The following KCNIP1 variants were observed in gnomAD, a reference collection of about 807,000 sequenced individuals.
KCNIP1 encodes potassium voltage-gated channel interacting protein 1.
KCNIP1 carries 18 observed loss-of-function variants against 33.0 expected under a neutral mutation model. The observed-to-expected ratio is 0.55, with a 90% CI of 0.38 to 0.81. The LOEUF is 0.81. Among genes scored for constraint, KCNIP1 ranks in the 30% least tolerant of loss-of-function variants. KCNIP1 has a pLI of 0.00. For missense variants in KCNIP1, 238 were observed against 271.6 expected (o/e 0.88, Z 0.87); for synonymous variants, 93 against 98.3 (o/e 0.95, Z 0.32).
Position 170,384,482 on chromosome 5 carries a change from G to A in KCNIP1, c.88+30518G>A, listed in dbSNP as rs146352516. Among the ~76,000 whole-genome samples the A allele has an allele frequency of 1.4e-4, 21 of 152,332 alleles. No homozygotes were observed. The East Asian group carries it at 3.7e-3, about 27-fold the overall frequency. On this transcript the variant is annotated intron_variant, in intron 1 of 7. Coordinates refer to the KCNIP1 transcript ENST00000377360. Reference sequence around the variant, plus strand: ...CAGATTAAGAGTCCAGCCTGGAATCGCTTCAGCGTTGTGAAGAGTGAGGCT... The same window carrying A: ...CAGATTAAGAGTCCAGCCTGGAATCACTTCAGCGTTGTGAAGAGTGAGGCT...
rs1260106149 is a variant in KCNIP1, at chr5:170,390,511, A to AT, written c.88+36547_88+36548insT. 1.4e-4 allele frequency among the ~76,000 whole-genome samples: 9 copies of AT among 62,350 alleles called. 1 individual carries two copies. Among genetic ancestry groups the AT allele is most frequent in the African/African-American group, 5.6e-4 (7 of 12,508 alleles). 40.9% of individuals were successfully genotyped at this position (62,350 alleles called of 152,430 possible). A position where few individuals can be genotyped will look rare whatever the true frequency, so the allele number is the denominator to read the frequency against. ...GAGCGAGACCCCGTCTCAAAAAAAA[A>AT]AAACAAATATATATATATATATATA... On this transcript the variant is annotated intron_variant, in intron 1 of 7. Transcript: ENST00000377360.
chr5:170,528,605 T>C (rs1001814585), intron 1 of KCNIP1, among the ~76,000 whole-genome samples: 12 of 152,148 alleles, frequency 7.9e-5, no homozygotes, highest in African/African-American at 2.7e-4. Context: ...GTGCCAGGCA[T>C]ATATGGAGAG....
At chr5:170,619,185 A>G (rs1208206058) in intron 1 of KCNIP1, among the ~76,000 whole-genome samples, 1 of 152,188 alleles carries the variant, frequency 6.6e-6, no homozygotes, top group Non-Finnish European at 1.5e-5. Context: ...CTTTTCCCTC[A>G]TCCTTCAGAA....
chr5:170,554,684 G>A (rs551714124), intron 1 of KCNIP1, among the ~76,000 whole-genome samples: 32 of 152,310 alleles, frequency 2.1e-4, no homozygotes, highest in African/African-American at 7.7e-4. Flanking sequence ...GTCTTTGCAG[G>A]CATGCTTCCC....
In KCNIP1 at chr5:170,489,138, T is replaced by C. The variant is rs116391711; in HGVS notation, c.88+135174T>C. Among the ~76,000 whole-genome samples, 328 of 152,208 alleles carry C rather than the reference T, an allele frequency of 2.2e-3. 1 individual carries two copies. The highest frequency in any genetic ancestry group is 7.5e-3 in the African/African-American group (313 of 41,532). On this transcript the variant is annotated intron_variant, in intron 1 of 7. Coordinates refer to the KCNIP1 transcript ENST00000377360. This position sits in a 1 kb window ranked among gnomAD's most constrained non-coding sequence, Gnocchi z 4.3. ...CAGCCAGGCGGGGAGGCTGACCCAA[T>C]GGCCCCGGAATGGTGATGGAGCAGC...
chr5:170,470,765 G>A (rs1272677556), intron 1 of KCNIP1, among the ~76,000 whole-genome samples: 3 of 152,214 alleles, frequency 2.0e-5, no homozygotes, highest in African/African-American at 7.2e-5. Context: ...ATGGGTTAAG[G>A]AGGTGAAGTT....
At chr5:170,731,811 G>A (rs1249997330) in intron 5 of KCNIP1, among the ~76,000 whole-genome samples, 2 of 27,540 alleles carry the variant, frequency 7.3e-5, no homozygotes, top group South Asian at 2.0e-3. Context: ...AAAAATATTA[G>A]TTGAAAAGCT....
intron 1 of KCNIP1, among the ~76,000 whole-genome samples, chr5:170,452,903 CAGAT>C (rs1409247136): frequency 6.6e-6 from 1 of 152,032 alleles, no homozygotes; most frequent in East Asian, 1.9e-4. Context: ...GGATCGTTCA[CAGAT>C]GGAGTTGCTG....
chr5:170,355,084 A>G (rs1763310588), intron 1 of KCNIP1, among the ~76,000 whole-genome samples: 1 of 152,194 alleles, frequency 6.6e-6, no homozygotes. Flanking sequence ...GTTGTGTGGC[A>G]TGTGTGGGTG....
chr5:170,666,828 C>T (rs1581471059), intron 1 of KCNIP1, among the ~76,000 whole-genome samples: 1 of 152,212 alleles, frequency 6.6e-6, no homozygotes, highest in East Asian at 1.9e-4. Flanking sequence ...CTTCTCCCTC[C>T]AGCAGACCGC....
At chr5:170,498,749 C>A (rs1487936631) in intron 1 of KCNIP1, among the ~76,000 whole-genome samples, 1 of 152,166 alleles carries the variant, frequency 6.6e-6, no homozygotes, top group Non-Finnish European at 1.5e-5. Context: ...CAATAAAGGA[C>A]ATTTGCAGAG....
At chr5:170,587,600 C>T (rs1040360923) in intron 1 of KCNIP1, among the ~76,000 whole-genome samples, 1 of 152,108 alleles carries the variant, frequency 6.6e-6, no homozygotes, top group Non-Finnish European at 1.5e-5. Flanking sequence ...AGGCCACTCA[C>T]ATTCCTTGTC....
At chr5:170,551,740 T>C (rs574474957) in intron 1 of KCNIP1, among the ~76,000 whole-genome samples, 2 of 152,018 alleles carry the variant, frequency 1.3e-5, no homozygotes, top group African/African-American at 4.8e-5. Context: ...TGTTTGAGTG[T>C]GTATATGCGT....
chr5:170,662,782 C>T lies in KCNIP1; in HGVS notation c.62-55976C>T. 1.3e-5 allele frequency among the ~76,000 whole-genome samples: 2 copies of T among 152,212 alleles called. 1 individual carries two copies. The highest frequency in any genetic ancestry group is 4.8e-5 in the African/African-American group (2 of 41,458). On this transcript the variant is annotated intron_variant, in intron 1 of 7. Coordinates refer to ENST00000328939, the MANE Select transcript of KCNIP1 (RefSeq NM_014592.4). ...CTCCTCCTCTGTCTATCCTCCTTTC[C>T]CTCTGGCCCAGAGAATCTTCCTCCA...
At chr5:170,467,930 A>AAAAG (rs1473777413) in intron 1 of KCNIP1, among the ~76,000 whole-genome samples, 2 of 151,454 alleles carry the variant, frequency 1.3e-5, no homozygotes, top group East Asian at 3.9e-4. Flanking sequence ...AAAAAAAAAA[A>AAAAG]AAAAAAAAAG....
At chr5:170,625,806 C>T (rs545822223) in intron 1 of KCNIP1, among the ~76,000 whole-genome samples, 33 of 152,238 alleles carry the variant, frequency 2.2e-4, no homozygotes, top group Admixed American at 5.2e-4. Flanking sequence ...GTTAGAAACG[C>T]GGTAAAACAT....
At chr5:170,431,619 C>T (rs954797663) in intron 1 of KCNIP1, among the ~76,000 whole-genome samples, 2 of 152,200 alleles carry the variant, frequency 1.3e-5, no homozygotes, top group Non-Finnish European at 2.9e-5. Flanking sequence ...CAAGATCTCC[C>T]AAATGGATCC....
chr5:170,679,626 AGTGTGTGTGTGT>A (rs58712710), intron 1 of KCNIP1, among the ~76,000 whole-genome samples: 161 of 144,500 alleles, frequency 1.1e-3, no homozygotes, highest in Middle Eastern at 7.0e-3. Context: ...TGTATATGAC[AGTGTGTGTGTGT>A]GTGTGTGTGT....
intron 1 of KCNIP1, among the ~76,000 whole-genome samples, chr5:170,450,837 C>T (rs1756232974): frequency 1.3e-5 from 2 of 152,140 alleles, no homozygotes; most frequent in Admixed American, 1.3e-4. Flanking sequence ...GCTCATCACA[C>T]CCCATCGTGA....
Sources: allele counts gnomAD v4.1 joint callset (sites outside exome capture counted in the v4.1 genomes callset), GRCh38; gene constraint gnomAD v4.1.1; non-coding constraint Gnocchi (gnomAD v3.1); transcripts MANE v1.5; gene names NCBI Gene and HGNC (gene_info 2026-07-23, HGNC 2026-07-21).